TMPRSS6: variants seen among roughly 807,000 people sequenced by gnomAD.
TMPRSS6 encodes the protein transmembrane serine protease 6.
A neutral mutation model predicts 101.5 loss-of-function variants in TMPRSS6; 67 were observed. The observed-to-expected ratio is 0.66, with a 90% confidence interval of 0.54 to 0.81. TMPRSS6 has a LOEUF of 0.81. Among genes scored for constraint, TMPRSS6 ranks in the 30% least tolerant of loss-of-function variants. The pLI is 0.00. For synonymous variants in TMPRSS6, 453 were observed against 464.9 expected (o/e 0.97, Z 0.33); for missense variants, 1,034 against 1,088.7 (o/e 0.95, Z 0.71).
chr22:37,096,203 C>G (rs1226698109), intron 4 of TMPRSS6, 113 bp from the exon 5 acceptor site: 1 of 1,243,886 alleles, frequency 8.0e-7, no homozygotes, highest in Admixed American at 1.9e-5. Context: ...TGCTGTCCGT[C>G]TTCACGCAGA....
intron 7 of TMPRSS6, 69 bp from the exon 8 acceptor site, chr22:37,086,488 C>T (rs1179860996): frequency 5.4e-6 from 7 of 1,290,342 alleles, no homozygotes; most frequent in East Asian, 2.8e-5. Flanking sequence ...GGGCGGCAGG[C>T]GGCTGCTGGG....
intron 10 of TMPRSS6, among the ~76,000 whole-genome samples, chr22:37,078,786 A>AG (rs1927923172): frequency 7.0e-6 from 1 of 143,532 alleles, no homozygotes; most frequent in African/African-American, 2.6e-5. Flanking sequence ...GAGGAGGAGA[A>AG]GAAGAAGGAG....
At chr22:37,073,732 A>G (rs1177190019) in intron 12 of TMPRSS6, 87 bp from the exon 13 acceptor site, 1 of 822,996 alleles carries the variant, frequency 1.2e-6, no homozygotes, top group Non-Finnish European at 2.2e-6. Context: ...GGTGTGCTGT[A>G]TTGCACGTTA....
Position 37,086,164 on chromosome 22 carries a change from T to A in TMPRSS6, c.973+119A>T, listed in dbSNP as rs1342207621. Reference sequence around the variant, plus strand: ...TGGAGAGCAGCAGGAGCTTCCAGAATCTTCCCTCTCCCCATCCCATCCTCA... The same window carrying A: ...TGGAGAGCAGCAGGAGCTTCCAGAAACTTCCCTCTCCCCATCCCATCCTCA... On this transcript the variant is annotated intron_variant, in intron 8 of 17. Transcript: ENST00000676104. 7.1e-6 allele frequency: 10 copies of A among 1,400,136 alleles called. No homozygotes were observed. In the Admixed American group the frequency reaches 1.6e-4, roughly 22 times the overall value. The allele number at this position is 1,400,136 out of a possible 1,614,324, so 86.7% of individuals were successfully genotyped here.
intron 10 of TMPRSS6, among the ~76,000 whole-genome samples, chr22:37,079,148 G>C (rs1277432540): frequency 6.6e-6 from 1 of 152,142 alleles, no homozygotes; most frequent in Non-Finnish European, 1.5e-5. Context: ...CTCTCTGGGG[G>C]AGGGTGCACA....
At chr22:37,082,642 C>A (rs930047365) in intron 10 of TMPRSS6, 20 of 241,702 alleles carry the variant, frequency 8.3e-5, no homozygotes, top group African/African-American at 3.7e-4. Flanking sequence ...GCTACAGAAG[C>A]CTTCTGCTCT....
rs1309444007 is a variant in TMPRSS6, at chr22:37,069,135, G to A, written c.2051C>T (p.Ser684Phe). 2 of 1,568,742 alleles carry A rather than the reference G, an allele frequency of 1.3e-6. No individual in the cohort carries two copies. Among genetic ancestry groups the A allele is most frequent in the Non-Finnish European group, 1.7e-6 (2 of 1,159,022 alleles). ...AVRPVCLPAR[S>F]HFFEPGLHCW... ...GTGCAGGCCGGGCTCGAAGAAGTGG[G>A]AGCGCGCGGGCAGGCAGACGGGGCG... Residue 684 changes from serine to phenylalanine, a missense_variant, in exon 16 of 18, where the codon TCC becomes TTC. Transcript: ENST00000676104. This position sits in a 1 kb window ranked among gnomAD's most constrained non-coding sequence, Gnocchi z 4.8.
At position 37,092,531 on chromosome 22, in the gene TMPRSS6, T is replaced by C. The variant is rs146424998; in HGVS notation, c.632-2749A>G. On this transcript the variant is annotated intron_variant, in intron 6 of 17. Coordinates refer to ENST00000676104, the MANE Select transcript of TMPRSS6 (RefSeq NM_001374504.1). ...ATTTTTTTTTTAATGGAATTTGCTC[T>C]TGCTGCCCAGGCTGGAGTGCAATGG... is the stretch of plus-strand genomic sequence containing the variant. Among the ~76,000 whole-genome samples, 335 of 149,506 alleles carry C rather than the reference T, an allele frequency of 2.2e-3. 2 individuals carry two copies. Among genetic ancestry groups the C allele is most frequent in the African/African-American group, 7.7e-3 (314 of 40,688 alleles).
chr22:37,068,464 CTG>C (rs1222652957), intron 16 of TMPRSS6, among the ~76,000 whole-genome samples: 1 of 152,244 alleles, frequency 6.6e-6, no homozygotes, highest in Non-Finnish European at 1.5e-5. Context: ...GTCCCCAAAA[CTG>C]TGCGGTGGCC....
intron 17 of TMPRSS6, among the ~76,000 whole-genome samples, chr22:37,066,513 C>T (rs951629322): frequency 3.3e-5 from 5 of 152,250 alleles, no homozygotes; most frequent in African/African-American, 1.2e-4. Context: ...ACACCCCTTT[C>T]TTCTTCCATG....
intron 1 of TMPRSS6, among the ~76,000 whole-genome samples, chr22:37,107,251 G>A (rs1269867576): frequency 6.6e-6 from 1 of 152,136 alleles, no homozygotes; most frequent in Admixed American, 6.5e-5. Context: ...CACCTGCTTG[G>A]TGCCAGGCTC....
chr22:37,072,200 AATGGATGGATGGATGATGG>A lies in TMPRSS6; in HGVS notation c.1556-1187_1556-1169del, dbSNP rs1322315603. Among the ~76,000 whole-genome samples the A allele has an allele frequency of 6.2e-3, 356 of 57,544 alleles. 3 individuals are homozygous for A. In the East Asian group the frequency reaches 0.13, roughly 21 times the overall value. 37.8% of individuals were successfully genotyped at this position (57,544 alleles called of 152,430 possible). A position where few individuals can be genotyped will look rare whatever the true frequency, so the allele number is the denominator to read the frequency against. On this transcript the variant is annotated intron_variant, in intron 13 of 17. Coordinates refer to ENST00000676104, the MANE Select transcript of TMPRSS6 (RefSeq NM_001374504.1). Reference sequence around the variant, plus strand: ...ATGATGGATGGATGGATGATGGATGAATGGATGGATGGATGATGGATGGATGGATGGATGATGGATGGAT... The same window carrying A: ...ATGATGGATGGATGGATGATGGATGAATGGATGGATGGATGATGGATGGAT...
chr22:37,099,581 T>C (rs1361565415), intron 2 of TMPRSS6, among the ~76,000 whole-genome samples: 3 of 152,200 alleles, frequency 2.0e-5, no homozygotes, highest in African/African-American at 4.8e-5. Context: ...TGGGACTATA[T>C]GAGCAAAACA....
At chr22:37,087,638 T>C (rs908156461) in intron 7 of TMPRSS6, among the ~76,000 whole-genome samples, 3 of 150,388 alleles carry the variant, frequency 2.0e-5, no homozygotes, top group Non-Finnish European at 3.0e-5. Flanking sequence ...CAGCTTGATC[T>C]TCCTGCTGCA....
chr22:37,089,559 C>CCCCCCA lies in TMPRSS6; in HGVS notation c.836+18_836+19insTGGGGG. 6.3e-7 allele frequency: 1 copy of CCCCCCA among 1,577,954 alleles called. No individual in the cohort carries two copies. Among genetic ancestry groups the CCCCCCA allele is most frequent in the African/African-American group, 1.4e-5 (1 of 74,054 alleles). ...CCCTTTTCCAGCCCTCCCTCCTGCC[C>CCCCCCA]TCCTTCCCAGGGACTCACGAGGTGA... On this transcript the variant is annotated intron_variant, in intron 7 of 17. Coordinates refer to ENST00000676104, the MANE Select transcript of TMPRSS6 (RefSeq NM_001374504.1).
rs1926242645 is a variant in TMPRSS6, at chr22:37,066,012, C to CT, written c.*67dup. On this transcript the variant is annotated 3_prime_UTR_variant, in exon 18 of 18. Transcript: ENST00000676104. ...ACCCCCCGCCAGAATACTTGTCCCC[C>CT]TGCTTGGCAGTTGCCCTGGGCTCTC... The CT allele has an allele frequency of 6.2e-7, 1 of 1,606,290 alleles. No individual in the cohort carries two copies. The highest frequency in any genetic ancestry group is 1.7e-5 in the Admixed American group (1 of 59,984).
chr22:37,097,321 TG>T (rs1929853921), intron 3 of TMPRSS6, among the ~76,000 whole-genome samples: 1 of 152,174 alleles, frequency 6.6e-6, no homozygotes, highest in African/African-American at 2.4e-5. Flanking sequence ...GAGGTGATTC[TG>T]GGAAACAGTA....
In TMPRSS6 at chr22:37,065,980, C is replaced by CT. The variant is rs1926237019; in HGVS notation, c.*99dup. ...CTCCTGCCACCACAGGGCCTGCTCT[C>CT]TCCCCCACCCCCCGCCAGAATACTT... On this transcript the variant is annotated 3_prime_UTR_variant, in exon 18 of 18. Transcript: ENST00000676104. The CT allele has an allele frequency of 6.5e-7, 1 of 1,528,930 alleles. No homozygotes were observed. Among genetic ancestry groups the CT allele is most frequent in the Non-Finnish European group, 9.0e-7 (1 of 1,110,302 alleles). 94.7% of individuals were successfully genotyped at this position (1,528,930 alleles called of 1,614,324 possible).
chr22:37,109,885 C>T (rs183083793), upstream of TMPRSS6, among the ~76,000 whole-genome samples: 844 of 152,238 alleles, frequency 5.5e-3, 46 homozygotes, highest in Admixed American at 0.051. Context: ...CCCTGGTCCC[C>T]GAGAGCATGA....
Sources: gnomAD v4.1 joint callset for allele counts (sites outside exome capture counted in the v4.1 genomes callset) on GRCh38, gnomAD v4.1.1 for gene constraint, Gnocchi (gnomAD v3.1) non-coding constraint, MANE v1.5 for transcripts, NCBI Gene and HGNC (gene_info 2026-07-23, HGNC 2026-07-21) for gene names.